FYB1: variants seen among roughly 807,000 people sequenced by gnomAD.
FYB1 encodes FYN binding protein 1.
FYB1 carries 41 observed loss-of-function variants against 94.1 expected under a neutral mutation model. The ratio of observed to expected loss-of-function variants is 0.44; its 90% CI spans 0.34 to 0.57. The LOEUF (loss-of-function observed/expected upper bound fraction) is 0.57, where lower values mean the gene tolerates loss of function less well. Among genes scored for constraint, FYB1 ranks in the 20% least tolerant of loss-of-function variants. FYB1 has a pLI of 0.02. For missense variants in FYB1, 1,050 were observed against 976.8 expected, an observed-to-expected ratio of 1.07 and a Z score of -1.00; for synonymous variants, 367 against 353.2, an observed-to-expected ratio of 1.04 and a Z score of -0.44.
intron 2 of FYB1, among the ~76,000 whole-genome samples, chr5:39,191,453 G>T (rs999447121): frequency 6.6e-6 from 1 of 152,168 alleles, no homozygotes; most frequent in Non-Finnish European, 1.5e-5. Context: ...ACTTTGGGGA[G>T]AAGGAAACCT....
At chr5:39,260,412 A>C (rs1244067994) in intron 1 of FYB1, among the ~76,000 whole-genome samples, 1 of 152,224 alleles carries the variant, frequency 6.6e-6, no homozygotes, top group Non-Finnish European at 1.5e-5. Context: ...AGCCTAAAAC[A>C]TTGACTACTG....
intron 14 of FYB1, among the ~76,000 whole-genome samples, chr5:39,119,875 T>C (rs962626210): frequency 1.3e-5 from 2 of 152,138 alleles, no homozygotes; most frequent in African/African-American, 2.4e-5. Flanking sequence ...TTCGTTCTTA[T>C]ACTGAACCAT....
intron 1 of FYB1, among the ~76,000 whole-genome samples, chr5:39,244,190 T>C (rs1185940506): frequency 6.6e-6 from 1 of 152,132 alleles, no homozygotes; most frequent in Non-Finnish European, 1.5e-5. Flanking sequence ...TGAATAGGAC[T>C]GGTGAGAGAG....
chr5:39,111,060 A>G (rs956548054), intron 16 of FYB1, among the ~76,000 whole-genome samples: 4 of 152,036 alleles, frequency 2.6e-5, no homozygotes, highest in Admixed American at 6.6e-5. Context: ...TAAGTAGAAA[A>G]TAAGCCATAT....
intron 16 of FYB1, among the ~76,000 whole-genome samples, chr5:39,115,555 A>T (rs554925855): frequency 1.3e-5 from 2 of 152,266 alleles, no homozygotes; most frequent in East Asian, 3.9e-4. Flanking sequence ...TTTGGGTAAC[A>T]TTGTGGGGAA....
chr5:39,193,404 G>A (rs985577488), intron 2 of FYB1, among the ~76,000 whole-genome samples: 1 of 152,160 alleles, frequency 6.6e-6, no homozygotes, highest in East Asian at 1.9e-4. Context: ...AAGAAAATAA[G>A]TCAAGGCAAA....
intron 10 of FYB1, among the ~76,000 whole-genome samples, chr5:39,128,146 A>G (rs1180628516): frequency 6.6e-6 from 1 of 152,168 alleles, no homozygotes; most frequent in Non-Finnish European, 1.5e-5. Flanking sequence ...TAACTAGTTA[A>G]TGGTGAGGAG....
At chr5:39,267,209 C>G (rs1336915278) in intron 1 of FYB1, among the ~76,000 whole-genome samples, 1 of 152,182 alleles carries the variant, frequency 6.6e-6, no homozygotes, top group Non-Finnish European at 1.5e-5. Flanking sequence ...CCTGCAATCA[C>G]TAGGAGTTTC....
chr5:39,125,237 A>C (rs1372841251), intron 12 of FYB1, among the ~76,000 whole-genome samples: 1 of 152,176 alleles, frequency 6.6e-6, no homozygotes, highest in African/African-American at 2.4e-5. Context: ...TATGGAATTA[A>C]CATCTTATAA....
intron 3 of FYB1, among the ~76,000 whole-genome samples, chr5:39,153,007 T>C (rs78293032): frequency 0.054 from 8,247 of 152,284 alleles, 732 homozygotes; most frequent in African/African-American, 0.19. Context: ...ATAATGATGA[T>C]ACTATCTAAT....
At chr5:39,223,440 T>G (rs1750352974), upstream of FYB1, among the ~76,000 whole-genome samples, 1 of 152,246 alleles carries the variant, frequency 6.6e-6, no homozygotes, top group East Asian at 1.9e-4. Context: ...TATTTGAATA[T>G]GAAGTTTTCA....
At position 39,170,083 on chromosome 5, in the gene FYB1, G is replaced by C. The variant is rs556700798; in HGVS notation, c.1136-16479C>G. On this transcript the variant is annotated intron_variant, in intron 2 of 18. Coordinates refer to ENST00000512982, the MANE Select transcript of FYB1 (RefSeq NM_001465.6). The stretch of plus-strand genomic sequence containing the variant: ...CCTAGATCTTACTTTCACATTTGCA[G>C]TGCCAGCTAAGATGGTGGCTTTTTG... The C allele has an allele frequency of 6.7e-4, 560 of 837,012 alleles. 5 individuals carry two copies. In the South Asian group the frequency reaches 7.0e-3, roughly 10 times the overall value. 51.8% of individuals were successfully genotyped at this position (837,012 alleles called of 1,614,324 possible).
chr5:39,132,625 A>G (rs1194311616), intron 9 of FYB1, among the ~76,000 whole-genome samples: 2 of 152,200 alleles, frequency 1.3e-5, no homozygotes, highest in African/African-American at 4.8e-5. Context: ...AAAGGTGATA[A>G]TGCTAGTTTT....
In FYB1 at chr5:39,133,615, G is replaced by A. The variant is rs1741397562; in HGVS notation, c.1817+593C>T. ...CTCTCATTGGTCCTCCAGAAAGGATGTTCTATTCTGTTCCTCTATACCAGG... is the reference window on the plus strand; with the variant it reads ...CTCTCATTGGTCCTCCAGAAAGGATATTCTATTCTGTTCCTCTATACCAGG... On this transcript the variant is annotated intron_variant, in intron 9 of 18. Coordinates refer to ENST00000512982, the MANE Select transcript of FYB1 (RefSeq NM_001465.6). Among the ~76,000 whole-genome samples the A allele has an allele frequency of 2.6e-5, 4 of 152,136 alleles. No individual in the cohort carries two copies. In the South Asian group the frequency reaches 8.3e-4, roughly 32 times the overall value.
At chr5:39,187,577 T>C (rs1746949983) in intron 2 of FYB1, among the ~76,000 whole-genome samples, 2 of 152,208 alleles carry the variant, frequency 1.3e-5, no homozygotes, top group African/African-American at 4.8e-5. Flanking sequence ...CATAAAAAGA[T>C]GCAGTGTTTT....
chr5:39,194,645 A>T (rs1390437458), intron 2 of FYB1, among the ~76,000 whole-genome samples: 1 of 152,232 alleles, frequency 6.6e-6, no homozygotes, highest in Admixed American at 6.5e-5. Flanking sequence ...AAGAGGGAAC[A>T]GTTTGTTTGC....
At chr5:39,206,288 G>T in intron 1 of FYB1, among the ~76,000 whole-genome samples, 1 of 152,078 alleles carries the variant, frequency 6.6e-6, no homozygotes, top group East Asian at 1.9e-4. Context: ...ACTAATATTG[G>T]CTTCTTAGCT....
intron 1 of FYB1, among the ~76,000 whole-genome samples, chr5:39,205,084 A>C (rs1472544517): frequency 2.0e-5 from 3 of 152,086 alleles, no homozygotes; most frequent in African/African-American, 7.2e-5. Flanking sequence ...AGGACCCCAA[A>C]CGTCACTACA....
intron 1 of FYB1, among the ~76,000 whole-genome samples, chr5:39,248,174 T>C (rs748759360): frequency 1.1e-4 from 17 of 152,186 alleles, no homozygotes; most frequent in Non-Finnish European, 2.2e-4. Flanking sequence ...GAATATAACA[T>C]TAATTACTCT....
Sources: gnomAD v4.1 joint callset for allele counts (sites outside exome capture counted in the v4.1 genomes callset) on GRCh38, gnomAD v4.1.1 for gene constraint, MANE v1.5 for transcripts, NCBI Gene and HGNC (gene_info 2026-07-23, HGNC 2026-07-21) for gene names.